ADGRG5: variants seen among roughly 807,000 people sequenced by gnomAD.
ADGRG5 encodes the protein G protein-coupled receptor 114.
ADGRG5 carries 37 observed loss-of-function variants against 53.2 expected under a neutral mutation model. That is an observed-to-expected ratio of 0.70 (90% CI 0.53 to 0.91). The LOEUF is 0.91. ADGRG5 is among the 40% of genes least tolerant of loss of function. ADGRG5 has a pLI of 0.00. For synonymous variants in ADGRG5, 277 were observed against 290.4 expected, an observed-to-expected ratio of 0.95 and a Z score of 0.47; for missense variants, 614 against 675.8, an observed-to-expected ratio of 0.91 and a Z score of 1.01.
At chr16:57,565,621 A>C in intron 6 of ADGRG5, 1 of 187,172 alleles carries the variant, frequency 5.3e-6, no homozygotes, top group Non-Finnish European at 1.1e-5. Context: ...AGTGCAGATC[A>C]GGGTCTCAGG....
chr16:57,553,227 T>A (rs1249561907), intron 1 of ADGRG5, among the ~76,000 whole-genome samples: 1 of 152,222 alleles, frequency 6.6e-6, no homozygotes, highest in African/African-American at 2.4e-5. Context: ...GATGCAGGGT[T>A]GCTGCAATCT....
intron 6 of ADGRG5, 31 bp downstream of exon 6, chr16:57,565,181 C>A: frequency 1.5e-6 from 2 of 1,302,000 alleles, no homozygotes; most frequent in Non-Finnish European, 2.2e-6. Context: ...GTTTCCACTG[C>A]ACCCCTGCCC....
chr16:57,575,268 G>T (rs1225255199), intron 11 of ADGRG5, among the ~76,000 whole-genome samples, 170 bp from the exon 12 acceptor site: 6 of 152,154 alleles, frequency 3.9e-5, no homozygotes, highest in African/African-American at 1.4e-4. Flanking sequence ...CCTATGGACT[G>T]GCCACAGCAG....
At chr16:57,573,414 CAG>C (rs1491208130) in intron 10 of ADGRG5, among the ~76,000 whole-genome samples, 3 of 122,514 alleles carry the variant, frequency 2.4e-5, no homozygotes, top group Admixed American at 1.0e-4. Flanking sequence ...AGCCTGGTGA[CAG>C]AGACTCCCTC....
intron 1 of ADGRG5, among the ~76,000 whole-genome samples, chr16:57,549,317 C>T (rs2032694546): frequency 6.6e-6 from 1 of 152,174 alleles, no homozygotes; most frequent in Admixed American, 6.5e-5. Flanking sequence ...TCACTGGGTG[C>T]TATCATATTT....
In ADGRG5 at chr16:57,574,717, C is replaced by A. The variant is rs2033462537; in HGVS notation, c.1209-98C>A. 4 of 1,333,350 alleles carry A rather than the reference C, an allele frequency of 3.0e-6. No individual in the cohort carries two copies. The highest frequency in any genetic ancestry group is 4.1e-6 in the Non-Finnish European group (4 of 987,464). The allele number at this position is 1,333,350 out of a possible 1,614,324, so 82.6% of individuals were successfully genotyped here. A position where few individuals can be genotyped will look rare whatever the true frequency, so the allele number is the denominator to read the frequency against. On this transcript the variant is annotated intron_variant, in intron 10 of 11. Transcript: ENST00000349457. The surrounding 1 kb of genome is among the most constrained non-coding windows in gnomAD (Gnocchi z 4.4). Reference sequence around the variant, plus strand: ...TTCAGTCAGGCAAGAAACAATAGGGCCTGAGCCAGGAGACCGAGTGGGGCT... The same window carrying A: ...TTCAGTCAGGCAAGAAACAATAGGGACTGAGCCAGGAGACCGAGTGGGGCT...
upstream of ADGRG5, among the ~76,000 whole-genome samples, chr16:57,539,515 C>T (rs533522710): frequency 5.0e-5 from 7 of 140,496 alleles, no homozygotes; most frequent in Non-Finnish European, 9.0e-5. Flanking sequence ...TGCAATGGTT[C>T]GAACACAACT....
chr16:57,570,531 T>C lies in ADGRG5; in HGVS notation c.1204T>C (p.Ser402Pro). 6.2e-7 allele frequency: 1 copy of C among 1,609,522 alleles called. No individual in the cohort carries two copies. The highest frequency in any genetic ancestry group is 8.5e-7 in the Non-Finnish European group (1 of 1,176,488). The stretch of plus-strand genomic sequence containing the variant: ...GAATGGCACAGGCTTCCAGAACATG[T>C]CCATGTGAGTGCCCTCAGGGCTGCA... ...WENGTGFQNMSICWVRSPVVH... is the reference protein window; with the variant it reads ...WENGTGFQNMPICWVRSPVVH... Residue 402 changes from serine (S) to proline (P), a missense_variant, in exon 10 of 12, where the codon TCC becomes CCC. Physicochemically the swap from Ser to Pro is moderately conservative, Grantham distance 74 (BLOSUM62 -1). Coordinates refer to ENST00000349457, the MANE Select transcript of ADGRG5 (RefSeq NM_001304376.3).
chr16:57,568,931 C>T (rs111209688), intron 9 of ADGRG5, among the ~76,000 whole-genome samples: 8 of 150,374 alleles, frequency 5.3e-5, no homozygotes, highest in African/African-American at 2.0e-4. Context: ...TCCGTCATCA[C>T]CATCATCACC....
chr16:57,568,162 A>G (rs556215562), intron 9 of ADGRG5, 38 bp downstream of exon 9: 13 of 1,606,018 alleles, frequency 8.1e-6, no homozygotes, highest in Non-Finnish European at 1.1e-5. Context: ...TCAGACTTCC[A>G]GGTGGGCAGG....
At chr16:57,533,233 T>A in the ADGRG5 span, among the ~76,000 whole-genome samples, 3 of 151,964 alleles carry the variant, frequency 2.0e-5, no homozygotes, top group Non-Finnish European at 2.9e-5. Flanking sequence ...GGAACAGCAC[T>A]CCCACCTTTG....
rs759689367 is a variant in ADGRG5, at chr16:57,567,843, C to T, written c.822-13C>T. ...TGTCCCTGGGCCATGGAGGACCATT[C>T]TCTCACCTGCAGGAAGCAGAGTGAC... is the stretch of plus-strand genomic sequence containing the variant. On this transcript the variant is annotated splice_polypyrimidine_tract_variant and intron_variant, in intron 8 of 11. Transcript: ENST00000349457. 1 of 1,602,740 alleles carries T rather than the reference C, an allele frequency of 6.2e-7. No homozygotes were observed. The highest frequency in any genetic ancestry group is 1.1e-5 in the South Asian group (1 of 90,508).
intron 6 of ADGRG5, chr16:57,565,396 A>C: frequency 1.8e-6 from 1 of 542,374 alleles, no homozygotes; most frequent in Non-Finnish European, 3.2e-6. Context: ...TGATTGGCAC[A>C]CATCCATGAA....
Position 57,558,744 on chromosome 16 carries a change from C to T in ADGRG5, c.-38-3312C>T, listed in dbSNP as rs1018041027. Among the ~76,000 whole-genome samples, 6 of 152,076 alleles carry T rather than the reference C, an allele frequency of 3.9e-5. No homozygotes were observed. The East Asian group carries it at 9.7e-4, about 25-fold the overall frequency. On this transcript the variant is annotated intron_variant, in intron 1 of 11. Transcript: ENST00000349457. ...CTTGAGTGGAAGTGAGATTCCTGTT[C>T]GTTTCCCAGTAGTAGCAGCAGCCCT...
At chr16:57,568,683 C>A (rs939282841) in intron 9 of ADGRG5, among the ~76,000 whole-genome samples, 1 of 151,598 alleles carries the variant, frequency 6.6e-6, no homozygotes, top group Admixed American at 6.6e-5. Context: ...CCACCACCTC[C>A]TCCACCTCCA....
intron 1 of ADGRG5, among the ~76,000 whole-genome samples, chr16:57,549,913 G>A (rs58737477): frequency 0.073 from 11,167 of 152,068 alleles, 1,179 homozygotes; most frequent in African/African-American, 0.23. Flanking sequence ...TCTGATTGTG[G>A]TTTTTATATG....
upstream of ADGRG5, among the ~76,000 whole-genome samples, chr16:57,540,097 G>T (rs954317855): frequency 2.0e-5 from 3 of 152,010 alleles, no homozygotes; most frequent in East Asian, 1.9e-4. Context: ...ACAAAAATTC[G>T]CTGGGCGTGG....
At chr16:57,564,344 C>G (rs1233509211) in intron 5 of ADGRG5, among the ~76,000 whole-genome samples, 2 of 147,702 alleles carry the variant, frequency 1.4e-5, no homozygotes, top group Admixed American at 6.7e-5. Flanking sequence ...GAGTCTCGCT[C>G]TGTTGCCCAG....
chr16:57,550,442 G>A (rs527953641), intron 1 of ADGRG5, among the ~76,000 whole-genome samples: 4 of 152,086 alleles, frequency 2.6e-5, no homozygotes, highest in Non-Finnish European at 5.9e-5. Context: ...CCAGTCTGTG[G>A]CTTATCTTCT....
Sources: allele counts gnomAD v4.1 joint callset (sites outside exome capture counted in the v4.1 genomes callset), GRCh38; gene constraint gnomAD v4.1.1; non-coding constraint Gnocchi (gnomAD v3.1); transcripts MANE v1.5; gene names NCBI Gene and HGNC (gene_info 2026-07-23, HGNC 2026-07-21).